TBX10: variants seen among roughly 807,000 people sequenced by gnomAD.
The protein encoded by TBX10 is T-box transcription factor TBX10.
In TBX10, 26 loss-of-function variants were observed where a neutral mutation model predicts 32.4. The ratio of observed to expected loss-of-function variants is 0.80; its 90% CI spans 0.59 to 1.11. TBX10 has a LOEUF of 1.11. Ranked by LOEUF, TBX10 falls within the 50% of genes most tolerant of loss-of-function variation. TBX10 has a pLI of 0.00. For missense variants in TBX10, 490 were observed against 494.5 expected, an observed-to-expected ratio of 0.99 and a Z score of 0.09; for synonymous variants, 195 against 203.1, an observed-to-expected ratio of 0.96 and a Z score of 0.34.
intron 5 of TBX10, 128 bp from the exon 6 acceptor site, chr11:67,632,798 G>T: frequency 6.5e-7 from 1 of 1,542,106 alleles, no homozygotes; most frequent in Non-Finnish European, 8.9e-7. Flanking sequence ...GAGCTGATAG[G>T]AGTGCGGGCA....
intron 1 of TBX10, among the ~76,000 whole-genome samples, chr11:67,635,976 A>G (rs954415373): frequency 2.0e-5 from 3 of 152,148 alleles, no homozygotes; most frequent in East Asian, 1.9e-4. Flanking sequence ...TCTTAGCTAA[A>G]TAAGATACCA....
chr11:67,636,517 A>T (rs868108847), intron 1 of TBX10, among the ~76,000 whole-genome samples: 11 of 87,612 alleles, frequency 1.3e-4, no homozygotes, highest in African/African-American at 2.0e-4. Flanking sequence ...TTATTTATTT[A>T]TTTATTTTTT....
upstream of TBX10, among the ~76,000 whole-genome samples, chr11:67,640,106 C>T (rs1044900959): frequency 3.3e-5 from 5 of 151,920 alleles, no homozygotes; most frequent in Non-Finnish European, 7.4e-5. Context: ...CCCAGCCGGC[C>T]GGCAGATGCG....
In TBX10 at chr11:67,632,585, G is replaced by T. The variant is rs1458224612; in HGVS notation, c.773+18C>A. On this transcript the variant is annotated intron_variant, in intron 6 of 7. Transcript: ENST00000335385. ...CCTGGGGTGGGGGTGAGGGGCTAGG[G>T]TCAGGGTCAGACAGTACCAGGAGTC... 1 of 1,613,794 alleles carries T rather than the reference G, an allele frequency of 6.2e-7. No individual in the cohort carries two copies.
At chr11:67,633,303 C>T (rs1218329226) in intron 4 of TBX10, among the ~76,000 whole-genome samples, 200 bp from the exon 5 acceptor site, 6 of 152,098 alleles carry the variant, frequency 3.9e-5, no homozygotes, top group Admixed American at 3.9e-4. Flanking sequence ...GCCTCCATGT[C>T]CTCTCACACC....
chr11:67,633,017 C>A lies in TBX10; in HGVS notation c.636G>T (p.Gln212His). ...DPRKDSERYAQENFKSFIFTE... is the reference protein window; with the variant it reads ...DPRKDSERYAHENFKSFIFTE... Reference sequence around the variant, plus strand: ...TGAAGATGAAGGACTTGAAGTTCTCCTGGGCATAGCGCTCACTGTCCTTGC... The same window carrying A: ...TGAAGATGAAGGACTTGAAGTTCTCATGGGCATAGCGCTCACTGTCCTTGC... The change falls in exon 5 of 8, where the codon CAG (glutamine) becomes CAT (histidine). Residue 212 changes from glutamine to histidine, a missense_variant. Around this residue, in one of 3 missense-constraint regions of TBX10, gnomAD observed 307 missense variants for 294.9 expected, o/e 1.04. Coordinates refer to ENST00000335385, the MANE Select transcript of TBX10 (RefSeq NM_005995.5). 6.2e-7 allele frequency: 1 copy of A among 1,614,204 alleles called. No individual in the cohort carries two copies. The highest frequency in any genetic ancestry group is 8.5e-7 in the Non-Finnish European group (1 of 1,180,012).
At chr11:67,632,756 C>T (rs1855258739) in intron 5 of TBX10, 86 bp from the exon 6 acceptor site, 1 of 1,576,152 alleles carries the variant, frequency 6.3e-7, no homozygotes, top group Non-Finnish European at 8.7e-7. Flanking sequence ...TCAGGAGGCC[C>T]TGGCACCTGG....
chr11:67,636,433 G>A (rs1855329627), intron 1 of TBX10, among the ~76,000 whole-genome samples: 1 of 151,810 alleles, frequency 6.6e-6, no homozygotes, highest in African/African-American at 2.4e-5. Flanking sequence ...AAAAGGTGCA[G>A]CTGCTGGGGA....
At chr11:67,636,321 G>A (rs1675029257) in intron 1 of TBX10, among the ~76,000 whole-genome samples, 1 of 149,936 alleles carries the variant, frequency 6.7e-6, no homozygotes, top group Non-Finnish European at 1.5e-5. Flanking sequence ...GAGCTCAAGT[G>A]ATCCTCCCAC....
Position 67,631,622 on chromosome 11 carries a change from C to G in TBX10, c.1141G>C (p.Gly381Arg). Residue 381 changes from glycine to arginine, a missense_variant, in exon 8 of 8, where the codon GGC becomes CGC. By Grantham distance (125) the Gly-to-Arg change is moderately radical. Around this residue, in one of 3 missense-constraint regions of TBX10, gnomAD observed 177 missense variants for 176.6 expected, o/e 1.00. Transcript: ENST00000335385. ...LSPTVVCLGP[G>R]QDSQ ...TTCTGGCATCACTGGGAGTCCTGGC[C>G]AGGCCCCAGGCACACCACAGTGGGG... 6.3e-7 allele frequency: 1 copy of G among 1,599,810 alleles called. No homozygotes were observed. Among genetic ancestry groups the G allele is most frequent in the Non-Finnish European group, 8.5e-7 (1 of 1,176,818 alleles).
At position 67,631,377 on chromosome 11, in the gene TBX10, A is replaced by G; in HGVS notation, c.*228T>C. ...TTTCGGGAGTTACCCCCAAAGCAAG[A>G]GGGCACAGTATTCAGGCTGCTGGGG... On this transcript the variant is annotated 3_prime_UTR_variant, in exon 8 of 8. Coordinates refer to ENST00000335385, the MANE Select transcript of TBX10 (RefSeq NM_005995.5). 3.3e-6 allele frequency: 2 copies of G among 600,412 alleles called. No homozygotes were observed. The highest frequency in any genetic ancestry group is 5.9e-6 in the Non-Finnish European group (2 of 341,072). 37.2% of individuals were successfully genotyped at this position (600,412 alleles called of 1,614,324 possible).
chr11:67,640,710 C>T (rs2134104166), upstream of TBX10, among the ~76,000 whole-genome samples: 1 of 152,328 alleles, frequency 6.6e-6, no homozygotes, highest in African/African-American at 2.4e-5. Flanking sequence ...GCCCCCCATA[C>T]CTCCTCCAGA....
rs1053086041 is a variant in TBX10, at chr11:67,635,479, C to T, written c.8-216G>A. ...CCTTGACGGTAGTGTCAGGGCCTGT[C>T]TTGCTCCCCAGAGAATGTTTGGGCC... On this transcript the variant is annotated intron_variant, in intron 1 of 7. Transcript: ENST00000335385. Among the ~76,000 whole-genome samples the T allele has an allele frequency of 3.3e-5, 5 of 152,330 alleles. No individual in the cohort carries two copies. The South Asian group carries it at 8.3e-4, about 25-fold the overall frequency.
rs1359899177 is a variant in TBX10 at position 67,633,381 on chromosome 11, G to C, written c.550-278C>G. 2.0e-5 allele frequency among the ~76,000 whole-genome samples: 3 copies of C among 152,034 alleles called. No individual in the cohort carries two copies. The East Asian group carries it at 5.8e-4, about 29-fold the overall frequency. ...ACTGTCGCGTTCACCAGTTTCCTCG[G>C]TTGCCTCCTGGCCTGTCCCCTGTCC... On this transcript the variant is annotated intron_variant, in intron 4 of 7. Coordinates refer to ENST00000335385, the MANE Select transcript of TBX10 (RefSeq NM_005995.5).
intron 5 of TBX10, 40 bp downstream of exon 5, chr11:67,632,908 A>C: frequency 2.5e-6 from 4 of 1,614,060 alleles, no homozygotes; most frequent in Non-Finnish European, 3.4e-6. Context: ...ACCCCTGTGA[A>C]ATGGGCCTGC....
intron 1 of TBX10, among the ~76,000 whole-genome samples, chr11:67,637,041 G>C (rs1274027250): frequency 6.6e-6 from 1 of 152,178 alleles, no homozygotes; most frequent in Middle Eastern, 3.2e-3. Flanking sequence ...CTGCAACATG[G>C]ATGAGTCCTG....
At chr11:67,639,402 G>GCCGCCC in intron 1 of TBX10, 64 bp downstream of exon 1, 1 of 288,592 alleles carries the variant, frequency 3.5e-6, no homozygotes, top group Non-Finnish European at 7.0e-6. Context: ...TTCCCACCCT[G>GCCGCCC]CCCACCCACC....
intron 1 of TBX10, 139 bp from the exon 2 acceptor site, chr11:67,635,402 G>C (rs1855313672): frequency 8.0e-7 from 1 of 1,247,574 alleles, no homozygotes; most frequent in South Asian, 1.3e-5. Context: ...CCCCCACTCA[G>C]CATCACTCTG....
chr11:67,634,571 G>T (rs938971877), intron 3 of TBX10, among the ~76,000 whole-genome samples: 6 of 152,314 alleles, frequency 3.9e-5, no homozygotes, highest in Non-Finnish European at 8.8e-5. Flanking sequence ...AACCCCTGCT[G>T]CCCTGGGCTA....
Sources: gnomAD v4.1 joint callset for allele counts (sites outside exome capture counted in the v4.1 genomes callset) on GRCh38, gnomAD v4.1.1 for gene constraint, gnomAD v4.1.1 regional missense constraint, MANE v1.5 for transcripts, NCBI Gene and HGNC (gene_info 2026-07-23, HGNC 2026-07-21) for gene names.